PIK3CB: variants seen among roughly 807,000 people sequenced by gnomAD.
PIK3CB encodes phosphatidylinositol 4,5-bisphosphate 3-kinase catalytic subunit beta isoform.
In PIK3CB, 39 loss-of-function variants were observed where a neutral mutation model predicts 136.8. The ratio of observed to expected loss-of-function variants is 0.29; its 90% CI spans 0.22 to 0.37. PIK3CB has a LOEUF of 0.37. Among genes scored for constraint, PIK3CB ranks in the 10% least tolerant of loss-of-function variants. The pLI, the probability that PIK3CB is intolerant of heterozygous loss-of-function variation, is 1.00. For synonymous variants in PIK3CB, 428 were observed against 436.6 expected (o/e 0.98, Z 0.25); for missense variants, 868 against 1,275.4 (o/e 0.68, Z 4.87).
chr3:138,817,164 C>T (rs1933373835), intron 1 of PIK3CB, among the ~76,000 whole-genome samples: 1 of 151,996 alleles, frequency 6.6e-6, no homozygotes. Flanking sequence ...CAGTGAAACC[C>T]CGTCTCTACT....
At chr3:138,719,488 T>C (rs865842646) in intron 8 of PIK3CB, among the ~76,000 whole-genome samples, 7 of 152,212 alleles carry the variant, frequency 4.6e-5, no homozygotes, top group Middle Eastern at 3.4e-3. Context: ...TCAAGTGATC[T>C]GCCCACCTTG....
At chr3:138,774,733 G>C (rs2045838822) in intron 2 of PIK3CB, among the ~76,000 whole-genome samples, 1 of 152,186 alleles carries the variant, frequency 6.6e-6, no homozygotes, top group African/African-American at 2.4e-5. Context: ...CTGAACCAGT[G>C]CCAGAAAGCC....
rs2045064300 is a variant in PIK3CB, at chr3:138,734,703, C to T, written c.903G>A (p.Glu301=). Residue 301 remains glutamate, a synonymous_variant, in exon 7 of 24, where the codon GAG becomes GAA. Coordinates refer to ENST00000674063, the MANE Select transcript of PIK3CB (RefSeq NM_006219.3). ...TAGATGAATTTCGATTTATGGCAGC[C>T]TCTATGGCAATCATTTCTTGTTCAT... ...KMYEQEMIAI[E]AAINRNSSNL... The T allele has an allele frequency of 6.2e-6, 10 of 1,612,988 alleles. No homozygotes were observed. Among genetic ancestry groups the T allele is most frequent in the Non-Finnish European group, 8.5e-6 (10 of 1,179,246 alleles).
At chr3:138,744,387 TC>T (rs2045307190) in intron 4 of PIK3CB, among the ~76,000 whole-genome samples, 1 of 26,360 alleles carries the variant, frequency 3.8e-5, no homozygotes, top group Non-Finnish European at 7.6e-5. Flanking sequence ...AGAGCGAGAC[TC>T]CCCCAAAAAA....
chr3:138,831,750 C>T (rs1576439614), intron 1 of PIK3CB, among the ~76,000 whole-genome samples: 1 of 152,198 alleles, frequency 6.6e-6, no homozygotes, highest in Non-Finnish European at 1.5e-5. Flanking sequence ...TATGGTGAAA[C>T]CCCATGTTTA....
chr3:138,693,121 G>T (rs1049075158), intron 14 of PIK3CB, among the ~76,000 whole-genome samples: 1 of 152,084 alleles, frequency 6.6e-6, no homozygotes, highest in Admixed American at 6.5e-5. Context: ...TTGAGACAGG[G>T]TCTCACTCTG....
At chr3:138,666,585 A>G (rs1487904216) in intron 19 of PIK3CB, among the ~76,000 whole-genome samples, 3 of 152,188 alleles carry the variant, frequency 2.0e-5, no homozygotes, top group African/African-American at 4.8e-5. Flanking sequence ...TTGTATATTA[A>G]TATTACCTTT....
intron 19 of PIK3CB, among the ~76,000 whole-genome samples, chr3:138,671,917 A>T (rs1010628265): frequency 6.6e-6 from 1 of 152,210 alleles, no homozygotes; most frequent in Non-Finnish European, 1.5e-5. Flanking sequence ...TGGGCACATG[A>T]AGAAAAAGTG....
At chr3:138,778,109 T>C (rs2045881498) in intron 2 of PIK3CB, 1 of 375,878 alleles carries the variant, frequency 2.7e-6, no homozygotes, top group African/African-American at 2.1e-5. Context: ...AATTACATTG[T>C]GGAGACCACT....
intron 1 of PIK3CB, chr3:138,826,370 GT>G (rs1933781279): frequency 1.3e-6 from 2 of 1,542,464 alleles, no homozygotes; most frequent in Non-Finnish European, 1.8e-6. Context: ...TTAATCAGTG[GT>G]GGAAGAATAG....
intron 21 of PIK3CB, among the ~76,000 whole-genome samples, chr3:138,659,917 C>T (rs1201198861): frequency 2.2e-5 from 3 of 134,102 alleles, no homozygotes; most frequent in Admixed American, 8.3e-5. Context: ...GCTCTGTCGC[C>T]CAGGCTAGAG....
intron 6 of PIK3CB, among the ~76,000 whole-genome samples, chr3:138,736,970 A>G (rs2045119594): frequency 6.6e-6 from 1 of 152,218 alleles, no homozygotes. Context: ...TCGATTTTTA[A>G]ATACTTTACC....
At chr3:138,810,141 T>C (rs1485429342) in intron 1 of PIK3CB, among the ~76,000 whole-genome samples, 5 of 152,256 alleles carry the variant, frequency 3.3e-5, no homozygotes, top group African/African-American at 1.2e-4. Flanking sequence ...AAGTATTGGA[T>C]TATAAACCAA....
In PIK3CB at chr3:138,654,336, G is replaced by T; in HGVS notation, c.*1053C>A. On this transcript the variant is annotated 3_prime_UTR_variant, in exon 24 of 24. Transcript: ENST00000674063. ...ATGGTACCTCAACAAATAACTTAAA[G>T]ATTTCCGTGTGGCGTGAAACCATTT... is the stretch of plus-strand genomic sequence containing the variant. 4.6e-6 allele frequency: 1 copy of T among 219,322 alleles called. No individual in the cohort carries two copies. The highest frequency in any genetic ancestry group is 9.1e-6 in the Non-Finnish European group (1 of 109,476). 13.6% of individuals were successfully genotyped at this position (219,322 alleles called of 1,614,324 possible).
intron 2 of PIK3CB, among the ~76,000 whole-genome samples, chr3:138,768,319 G>A (rs900862591): frequency 6.6e-6 from 1 of 152,112 alleles, no homozygotes; most frequent in Non-Finnish European, 1.5e-5. Flanking sequence ...GCAGCCTGTT[G>A]TCCTGATGTC....
intron 21 of PIK3CB, among the ~76,000 whole-genome samples, chr3:138,658,125 A>G (rs2043223036): frequency 1.3e-5 from 2 of 152,190 alleles, no homozygotes; most frequent in Admixed American, 1.3e-4. Context: ...TGATTTTTAA[A>G]AAGTCAAATA....
At chr3:138,823,437 G>A (rs978734750) in intron 1 of PIK3CB, among the ~76,000 whole-genome samples, 1 of 151,804 alleles carries the variant, frequency 6.6e-6, no homozygotes, top group Admixed American at 6.6e-5. Context: ...GGGCAAGGTG[G>A]CTCACGCCTG....
In PIK3CB at chr3:138,792,654, A is replaced by C. The variant is rs567255821; in HGVS notation, c.-17+3809T>G. Among the ~76,000 whole-genome samples the C allele has an allele frequency of 5.3e-5, 8 of 152,332 alleles. No individual in the cohort carries two copies. In the South Asian group the frequency reaches 1.4e-3, roughly 28 times the overall value. ...TTGATTGAGATCAAAGACATAGGTA[A>C]AGGGTTTAGCTCTTAGAAGAGTAGC... is the stretch of plus-strand genomic sequence containing the variant. On this transcript the variant is annotated intron_variant, in intron 2 of 23. Transcript: ENST00000674063.
At chr3:138,713,714 AAT>A (rs2044552562) in intron 9 of PIK3CB, among the ~76,000 whole-genome samples, 1 of 152,106 alleles carries the variant, frequency 6.6e-6, no homozygotes, top group African/African-American at 2.4e-5. Flanking sequence ...TATATAGATA[AAT>A]ATAGTAACTA....
Sources: gnomAD v4.1 joint callset for allele counts (sites outside exome capture counted in the v4.1 genomes callset) on GRCh38, gnomAD v4.1.1 for gene constraint, MANE v1.5 for transcripts, NCBI Gene and HGNC (gene_info 2026-07-23, HGNC 2026-07-21) for gene names.